Variants in IL2RA observed in about 807,000 individuals in gnomAD.
The protein encoded by IL2RA is interleukin 2 receptor subunit alpha, also known as interleukin-2 receptor subunit alpha.
Under a neutral mutation model 37.8 loss-of-function variants are expected in IL2RA, and 24 were observed. The ratio of observed to expected loss-of-function variants is 0.63; its 90% CI spans 0.46 to 0.89. The LOEUF is 0.89. Ranked by LOEUF, IL2RA falls within the 40% of genes least tolerant of loss-of-function variation. The pLI is 0.00. For synonymous variants in IL2RA, 125 were observed against 114.6 expected (o/e 1.09, Z -0.58); for missense variants, 319 against 348.6 (o/e 0.92, Z 0.68).
intron 1 of IL2RA, among the ~76,000 whole-genome samples, chr10:6,037,845 A>AG (rs2132876806): frequency 6.6e-6 from 1 of 152,326 alleles, no homozygotes; most frequent in Non-Finnish European, 1.5e-5. Flanking sequence ...GAGACTGGAA[A>AG]GAGGACGCTG....
chr10:6,025,875 C>G lies in IL2RA; in HGVS notation c.215G>C (p.Ser72Thr), dbSNP rs1168773094. ...ACATTGGTTGTCCCAGGACGAGTGG[C>G]TAGAGTTTCCTGTACAGAGCATATA... is the stretch of plus-strand genomic sequence containing the variant. The part of the protein sequence containing the change: ...SLYMLCTGNS[S>T]HSSWDNQCQC... Residue 72 changes from serine to threonine, a missense_variant, in exon 2 of 8, where the codon AGC becomes ACC. Coordinates refer to ENST00000379959, the MANE Select transcript of IL2RA (RefSeq NM_000417.3). The surrounding 1 kb of genome is among the most constrained non-coding windows in gnomAD (Gnocchi z 4.4). The G allele has an allele frequency of 6.2e-7, 1 of 1,614,206 alleles. No individual in the cohort carries two copies.
intron 1 of IL2RA, among the ~76,000 whole-genome samples, chr10:6,051,612 A>G (rs1313481499): frequency 6.3e-5 from 9 of 143,868 alleles, no homozygotes; most frequent in Non-Finnish European, 1.4e-4. Context: ...CTCAGCCTCC[A>G]GGTTCAGGGG....
At position 6,015,500 on chromosome 10, in the gene IL2RA, T is replaced by C. The variant is rs1207014801; in HGVS notation, c.794+2553A>G. Among the ~76,000 whole-genome samples, 7 of 152,186 alleles carry C rather than the reference T, an allele frequency of 4.6e-5. No homozygotes were observed. Among genetic ancestry groups the C allele is most frequent in the Non-Finnish European group, 8.8e-5 (6 of 68,026 alleles). ...TGATAGAAATACAGATTCCTGGACC[T>C]AAGCAAGACGACTGCGTCAGAAACT... On this transcript the variant is annotated intron_variant, in intron 7 of 7. Coordinates refer to ENST00000379959, the MANE Select transcript of IL2RA (RefSeq NM_000417.3). This position sits in a 1 kb window ranked among gnomAD's most constrained non-coding sequence, Gnocchi z 4.9.
At chr10:6,059,940 T>G (rs779392236) in intron 1 of IL2RA, among the ~76,000 whole-genome samples, 2 of 152,220 alleles carry the variant, frequency 1.3e-5, no homozygotes, top group Non-Finnish European at 2.9e-5. Flanking sequence ...CTCATTTTTG[T>G]ATTTCCTATA....
Position 6,046,229 on chromosome 10 carries a change from A to G in IL2RA, c.64+15859T>C, listed in dbSNP as rs1839855158. ...TGACAGGGATCATGCCTTTTCACAG[A>G]CAATGACAATCCAAATGTGGAAACA... is the stretch of plus-strand genomic sequence containing the variant. On this transcript the variant is annotated intron_variant, in intron 1 of 7. Coordinates refer to ENST00000379959, the MANE Select transcript of IL2RA (RefSeq NM_000417.3). This position sits in a 1 kb window ranked among gnomAD's most constrained non-coding sequence, Gnocchi z 4.8. Among the ~76,000 whole-genome samples the G allele has an allele frequency of 6.6e-6, 1 of 152,234 alleles. No individual in the cohort carries two copies. Among genetic ancestry groups the G allele is most frequent in the African/African-American group, 2.4e-5 (1 of 41,454 alleles).
At chr10:6,050,897 A>T (rs1041183129) in intron 1 of IL2RA, among the ~76,000 whole-genome samples, 1 of 152,036 alleles carries the variant, frequency 6.6e-6, no homozygotes, top group Non-Finnish European at 1.5e-5. Flanking sequence ...GGAAAGTGAA[A>T]CTGATGGTCC....
At position 6,015,085 on chromosome 10, in the gene IL2RA, C is replaced by T. The variant is rs746605321; in HGVS notation, c.795-2189G>A. ...TTTACTTTTTCTTTTTCTTTCTTTT[C>T]TTTTTTCTTTCTTTCTTTTTTTTTT... is the stretch of plus-strand genomic sequence containing the variant. On this transcript the variant is annotated intron_variant, in intron 7 of 7. Coordinates refer to ENST00000379959, the MANE Select transcript of IL2RA (RefSeq NM_000417.3). This position sits in a 1 kb window ranked among gnomAD's most constrained non-coding sequence, Gnocchi z 4.9. Among the ~76,000 whole-genome samples, 3 of 151,262 alleles carry T rather than the reference C, an allele frequency of 2.0e-5. No individual in the cohort carries two copies. The highest frequency in any genetic ancestry group is 3.4e-3 in the Middle Eastern group (1 of 294).
intron 1 of IL2RA, among the ~76,000 whole-genome samples, chr10:6,053,460 C>T (rs1039187454): frequency 6.6e-6 from 1 of 152,134 alleles, no homozygotes; most frequent in Non-Finnish European, 1.5e-5. Flanking sequence ...AAGCTTGAAG[C>T]AAATAAGAAC....
At position 6,062,367 on chromosome 10, in the gene IL2RA, T is replaced by A; in HGVS notation, c.-216A>T. On this transcript the variant is annotated 5_prime_UTR_variant, in exon 1 of 8. Transcript: ENST00000379959. The stretch of plus-strand genomic sequence containing the variant: ...GGGCTGGCGTGTTCAGCCAGGAAAC[T>A]GCCTAGCACTCTCTTCTCTCATCTC... 2.5e-6 allele frequency: 1 copy of A among 403,156 alleles called. No individual in the cohort carries two copies. The highest frequency in any genetic ancestry group is 4.2e-5 in the Admixed American group (1 of 23,814). 25.0% of individuals were successfully genotyped at this position (403,156 alleles called of 1,614,324 possible). A position where few individuals can be genotyped will look rare whatever the true frequency, so the allele number is the denominator to read the frequency against.
intron 7 of IL2RA, among the ~76,000 whole-genome samples, chr10:6,016,696 G>A (rs946901987): frequency 1.3e-4 from 20 of 151,648 alleles, no homozygotes; most frequent in Admixed American, 6.6e-4. Context: ...TCTCAGCCTC[G>A]CAAGTAGCTG....
In IL2RA at chr10:6,018,153, C is replaced by T; in HGVS notation, c.728-34G>A. On this transcript the variant is annotated intron_variant, in intron 6 of 7. Coordinates refer to ENST00000379959, the MANE Select transcript of IL2RA (RefSeq NM_000417.3). This position sits in a 1 kb window ranked among gnomAD's most constrained non-coding sequence, Gnocchi z 5.1. ...AGAGAGAGGGAGTTCAGCAAAGGGC[C>T]CTGGGCTTGGCATGGGGGCAGCAGG... 4 of 1,592,096 alleles carry T rather than the reference C, an allele frequency of 2.5e-6. No individual in the cohort carries two copies. In the South Asian group the frequency reaches 3.3e-5, roughly 13 times the overall value.
Position 6,019,496 on chromosome 10 carries a change from A to G in IL2RA, c.659T>C (p.Phe220Ser), listed in dbSNP as rs572336497. The change falls in exon 6 of 8, where the codon TTT (phenylalanine) becomes TCT (serine). Residue 220 changes from phenylalanine to serine, a missense_variant. Transcript: ENST00000379959. ...ETSCLVTTTD[F>S]QIQTEMAATM... ...TGCAGCCATTTCTGTCTGTATTTGA[A>G]AATCTGTGAAAAAGAGATAAAGAGA... 6.2e-7 allele frequency: 1 copy of G among 1,611,242 alleles called. No individual in the cohort carries two copies. The highest frequency in any genetic ancestry group is 1.3e-5 in the African/African-American group (1 of 74,998).
Position 6,022,821 on chromosome 10 carries a change from A to G in IL2RA, c.368-1128T>C, listed in dbSNP as rs1193816752. Among the ~76,000 whole-genome samples, 2 of 87,094 alleles carry G rather than the reference A, an allele frequency of 2.3e-5. No homozygotes were observed. The highest frequency in any genetic ancestry group is 1.3e-4 in the Admixed American group (1 of 7,698). The allele number at this position is 87,094 out of a possible 152,430, so 57.1% of individuals were successfully genotyped here. A position where few individuals can be genotyped will look rare whatever the true frequency, so the allele number is the denominator to read the frequency against. On this transcript the variant is annotated intron_variant, in intron 3 of 7. Coordinates refer to ENST00000379959, the MANE Select transcript of IL2RA (RefSeq NM_000417.3). The surrounding 1 kb of genome is among the most constrained non-coding windows in gnomAD (Gnocchi z 4.7). ...AGGCAGAGCCAGCCTTCGAGAAAGG[A>G]CAACAAGCATTGGCCTCTTTGAAGC... is the stretch of plus-strand genomic sequence containing the variant.
At chr10:6,059,966 T>A (rs746305251) in intron 1 of IL2RA, among the ~76,000 whole-genome samples, 33 of 152,212 alleles carry the variant, frequency 2.2e-4, no homozygotes, top group Non-Finnish European at 3.7e-4. Context: ...GAGGGGCAGA[T>A]GGGGTATGGA....
chr10:6,030,100 C>T (rs1406095049), intron 1 of IL2RA, among the ~76,000 whole-genome samples: 1 of 152,178 alleles, frequency 6.6e-6, no homozygotes, highest in Non-Finnish European at 1.5e-5. Context: ...ATTATCCAAA[C>T]TGATGAACAC....
In IL2RA at chr10:6,022,515, G is replaced by A. The variant is rs909694274; in HGVS notation, c.368-822C>T. 1.3e-5 allele frequency among the ~76,000 whole-genome samples: 2 copies of A among 152,092 alleles called. No homozygotes were observed. Among genetic ancestry groups the A allele is most frequent in the African/African-American group, 4.8e-5 (2 of 41,396 alleles). ...AACCCCAGCCTGTGAAACTGCGCACGTGCTCTGAACTTCCAGACTCTCCCC... is the reference window on the plus strand; with the variant it reads ...AACCCCAGCCTGTGAAACTGCGCACATGCTCTGAACTTCCAGACTCTCCCC... On this transcript the variant is annotated intron_variant, in intron 3 of 7. Coordinates refer to ENST00000379959, the MANE Select transcript of IL2RA (RefSeq NM_000417.3). This position sits in a 1 kb window ranked among gnomAD's most constrained non-coding sequence, Gnocchi z 4.7.
intron 1 of IL2RA, among the ~76,000 whole-genome samples, chr10:6,034,518 A>T (rs780404512): frequency 6.1e-5 from 9 of 147,496 alleles, no homozygotes; most frequent in Non-Finnish European, 8.9e-5. Context: ...AATAAAAAAT[A>T]ATTTGTCTAA....
rs986941183 is a variant in IL2RA, at chr10:6,018,133, G to A, written c.728-14C>T. On this transcript the variant is annotated splice_polypyrimidine_tract_variant and intron_variant, in intron 6 of 7. Coordinates refer to ENST00000379959, the MANE Select transcript of IL2RA (RefSeq NM_000417.3). This position sits in a 1 kb window ranked among gnomAD's most constrained non-coding sequence, Gnocchi z 5.1. ...CACAGCCGGCCACTGTCAATAGAGA[G>A]AGGGAGTTCAGCAAAGGGCCCTGGG... is the stretch of plus-strand genomic sequence containing the variant. The A allele has an allele frequency of 6.2e-7, 1 of 1,612,828 alleles. No homozygotes were observed. Among genetic ancestry groups the A allele is most frequent in the African/African-American group, 1.3e-5 (1 of 74,914 alleles).
chr10:6,054,443 G>T lies in IL2RA; in HGVS notation c.64+7645C>A, dbSNP rs1416567821. On this transcript the variant is annotated intron_variant, in intron 1 of 7. Transcript: ENST00000379959. The surrounding 1 kb of genome is among the most constrained non-coding windows in gnomAD (Gnocchi z 4.5). The stretch of plus-strand genomic sequence containing the variant: ...CCAATGACACCTGTAGACACTGCAG[G>T]GTTGAAGCTGGGGGAGAAGCACTCA... Among the ~76,000 whole-genome samples the T allele has an allele frequency of 6.6e-6, 1 of 152,202 alleles. No homozygotes were observed. Among genetic ancestry groups the T allele is most frequent in the Non-Finnish European group, 1.5e-5 (1 of 68,022 alleles).
Sources: gnomAD v4.1 joint callset for allele counts (sites outside exome capture counted in the v4.1 genomes callset) on GRCh38, gnomAD v4.1.1 for gene constraint, Gnocchi (gnomAD v3.1) non-coding constraint, MANE v1.5 for transcripts, NCBI Gene and HGNC (gene_info 2026-07-23, HGNC 2026-07-21) for gene names.